The following MAP4 variants were observed in gnomAD, a reference collection of about 807,000 sequenced individuals.
The protein encoded by MAP4 is microtubule-associated protein 4.
MAP4 carries 76 observed loss-of-function variants against 170.2 expected under a neutral mutation model. The ratio of observed to expected loss-of-function variants is 0.45; its 90% CI spans 0.37 to 0.54. MAP4 has a LOEUF of 0.54. Among genes scored for constraint, MAP4 ranks in the 20% least tolerant of loss-of-function variants. The pLI, the probability that MAP4 is intolerant of heterozygous loss-of-function variation, is 0.00. For synonymous variants in MAP4, 909 were observed against 994.5 expected, an observed-to-expected ratio of 0.91 and a Z score of 1.62; for missense variants, 2,506 against 2,748.0, an observed-to-expected ratio of 0.91 and a Z score of 1.97.
intron 10 of MAP4, among the ~76,000 whole-genome samples, chr3:47,900,907 ATCT>A (rs1351341110): frequency 2.6e-5 from 4 of 152,118 alleles, no homozygotes; most frequent in Admixed American, 6.6e-5. Context: ...AAAATCTAAG[ATCT>A]TCTGCTTTTA....
intron 4 of MAP4, among the ~76,000 whole-genome samples, chr3:47,923,876 T>C (rs1163026288): frequency 6.6e-6 from 1 of 152,102 alleles, no homozygotes; most frequent in African/African-American, 2.4e-5. Flanking sequence ...AGATAGAATA[T>C]GAGAGAGATG....
intron 11 of MAP4, among the ~76,000 whole-genome samples, chr3:47,876,322 G>A (rs1008953401): frequency 2.6e-5 from 4 of 151,988 alleles, no homozygotes; most frequent in South Asian, 4.1e-4. Context: ...TAATAAAGAC[G>A]GGGTTTCACC....
At chr3:47,996,478 C>T (rs2100095701) in intron 2 of MAP4, among the ~76,000 whole-genome samples, 1 of 152,256 alleles carries the variant, frequency 6.6e-6, no homozygotes, top group Admixed American at 6.5e-5. Context: ...GGCACGGGTA[C>T]ACAGGGAAGG....
At chr3:47,869,101 A>C in intron 16 of MAP4, 113 bp downstream of exon 16, 1 of 800,666 alleles carries the variant, frequency 1.2e-6, no homozygotes, top group East Asian at 2.5e-5. Flanking sequence ...AGGGGAGAAG[A>C]AGTAGAAACT....
chr3:47,896,390 G>A (rs2100026857), intron 10 of MAP4, among the ~76,000 whole-genome samples: 1 of 152,150 alleles, frequency 6.6e-6, no homozygotes. Flanking sequence ...TTAGCCGGGC[G>A]TGGTGGCACA....
intron 1 of MAP4, among the ~76,000 whole-genome samples, chr3:48,081,500 C>CA (rs1196436207): frequency 6.6e-6 from 1 of 151,738 alleles, no homozygotes; most frequent in East Asian, 1.9e-4. Context: ...CTTTATATGA[C>CA]AATTAAGACT....
chr3:47,892,757 G>A (rs2100024702), intron 10 of MAP4: 1 of 1,282,596 alleles, frequency 7.8e-7, no homozygotes, highest in African/African-American at 1.5e-5. Flanking sequence ...TTTAATCTGA[G>A]AATGTAATTT....
intron 9 of MAP4, among the ~76,000 whole-genome samples, chr3:47,907,127 G>C (rs930856288): frequency 6.6e-6 from 1 of 152,136 alleles, no homozygotes; most frequent in African/African-American, 2.4e-5. Context: ...GAGCCACTGC[G>C]CCTGGCTTCT....
chr3:48,013,015 G>A (rs563265308), intron 1 of MAP4, among the ~76,000 whole-genome samples: 1 of 151,426 alleles, frequency 6.6e-6, no homozygotes, highest in East Asian at 1.9e-4. Flanking sequence ...AAATTAAAGC[G>A]ATTATCCAAT....
intron 3 of MAP4, among the ~76,000 whole-genome samples, chr3:47,948,506 T>C (rs1284849959): frequency 6.6e-6 from 1 of 151,532 alleles, no homozygotes; most frequent in Non-Finnish European, 1.5e-5. Context: ...TTACAAGCGT[T>C]GAGTCACCAC....
At chr3:47,976,394 C>G (rs1016434730) in intron 3 of MAP4, among the ~76,000 whole-genome samples, 2 of 152,210 alleles carry the variant, frequency 1.3e-5, no homozygotes, top group East Asian at 1.9e-4. Context: ...AAGAAATCTA[C>G]TCGTTTTTGT....
chr3:47,891,229 A>G (rs1434867403), intron 10 of MAP4: 1 of 1,536,092 alleles, frequency 6.5e-7, no homozygotes, highest in Non-Finnish European at 8.7e-7. Context: ...CCAGCTTACT[A>G]TGGAGATATA....
chr3:47,922,032 C>T (rs2100043200), intron 4 of MAP4, among the ~76,000 whole-genome samples, 154 bp from the exon 5 acceptor site: 1 of 151,908 alleles, frequency 6.6e-6, no homozygotes, highest in Non-Finnish European at 1.5e-5. Context: ...ACTGCAACCT[C>T]TACCTCCCAG....
At chr3:48,015,096 T>C (rs2154448972) in intron 1 of MAP4, among the ~76,000 whole-genome samples, 1 of 152,254 alleles carries the variant, frequency 6.6e-6, no homozygotes, top group Non-Finnish European at 1.5e-5. Context: ...AAATATCGCC[T>C]CCTGTCAGTT....
intron 1 of MAP4, among the ~76,000 whole-genome samples, chr3:48,036,436 C>T (rs79628834): frequency 0.012 from 1,884 of 152,288 alleles, 43 homozygotes; most frequent in African/African-American, 0.043. Context: ...TTTATGCCTC[C>T]TGTTTTTTAA....
chr3:48,052,922 TTATGTC>T (rs2100128682), intron 1 of MAP4, among the ~76,000 whole-genome samples: 1 of 152,184 alleles, frequency 6.6e-6, no homozygotes, highest in African/African-American at 2.4e-5. Context: ...CATCTCAAAT[TTATGTC>T]TAAGAACACA....
At chr3:48,054,221 C>T (rs1169418301) in intron 1 of MAP4, among the ~76,000 whole-genome samples, 1 of 151,636 alleles carries the variant, frequency 6.6e-6, no homozygotes, top group Non-Finnish European at 1.5e-5. Context: ...TCACTTGAAC[C>T]CAGGAGGCGG....
At chr3:47,904,079 C>T (rs924928493) in intron 9 of MAP4, among the ~76,000 whole-genome samples, 8 of 152,058 alleles carry the variant, frequency 5.3e-5, no homozygotes, top group Admixed American at 1.3e-4. Context: ...CTGAAACTTC[C>T]GGAAGCTTCT....
At chr3:47,944,903 GGTGT>G (rs760950874) in intron 3 of MAP4, among the ~76,000 whole-genome samples, 144 of 150,970 alleles carry the variant, frequency 9.5e-4, no homozygotes, top group Middle Eastern at 3.5e-3. Flanking sequence ...CTAGGGAACC[GGTGT>G]GTGTTTGTTA....
Sources: allele counts gnomAD v4.1 joint callset (sites outside exome capture counted in the v4.1 genomes callset), GRCh38; gene constraint gnomAD v4.1.1; transcripts MANE v1.5; gene names NCBI Gene and HGNC (gene_info 2026-07-23, HGNC 2026-07-21).